The following RNF111 variants were observed in gnomAD, a reference collection of about 807,000 sequenced individuals.
RNF111 encodes ring finger protein 111.
In RNF111, 17 loss-of-function variants were observed where a neutral mutation model predicts 95.1. That is an observed-to-expected ratio of 0.18 (90% CI 0.12 to 0.27). The LOEUF is 0.27. Ranked by LOEUF, RNF111 falls within the 10% of genes least tolerant of loss-of-function variation. The probability of loss-of-function intolerance (pLI) is 1.00; values close to 1 mark genes in which losing one functional copy is unlikely to be tolerated. For synonymous variants in RNF111, 440 were observed against 414.8 expected (o/e 1.06, Z -0.74); for missense variants, 1,189 against 1,210.4 (o/e 0.98, Z 0.26).
At chr15:59,056,125 G>T (rs2042191070) in intron 4 of RNF111, among the ~76,000 whole-genome samples, 1 of 152,138 alleles carries the variant, frequency 6.6e-6, no homozygotes, top group South Asian at 2.1e-4. Context: ...AGTTTGATTT[G>T]TAATAATGAT....
At chr15:59,078,425 C>T (rs1439999215) in intron 7 of RNF111, among the ~76,000 whole-genome samples, 3 of 151,986 alleles carry the variant, frequency 2.0e-5, no homozygotes, top group African/African-American at 7.3e-5. Flanking sequence ...CATGTAGTTC[C>T]TGCTCTTCAG....
At chr15:58,996,665 T>C (rs1361210451) in intron 1 of RNF111, among the ~76,000 whole-genome samples, 1 of 148,902 alleles carries the variant, frequency 6.7e-6, no homozygotes, top group Admixed American at 6.6e-5. Context: ...TTTTTTTTTT[T>C]TTTTTTTTTT....
intron 5 of RNF111, among the ~76,000 whole-genome samples, chr15:59,060,804 A>ATTTT (rs201040277): frequency 5.4e-5 from 8 of 147,150 alleles, no homozygotes; most frequent in African/African-American, 1.8e-4. Context: ...TATTATTATT[A>ATTTT]TTATTTTTTT....
intron 7 of RNF111, among the ~76,000 whole-genome samples, chr15:59,078,084 A>G (rs1275990481): frequency 2.0e-5 from 3 of 152,256 alleles, no homozygotes; most frequent in Non-Finnish European, 4.4e-5. Flanking sequence ...TTGACCTCCC[A>G]GCTCTGACTA....
intron 8 of RNF111, among the ~76,000 whole-genome samples, chr15:59,082,697 A>G (rs952934872): frequency 2.0e-5 from 3 of 152,170 alleles, no homozygotes; most frequent in Admixed American, 1.3e-4. Flanking sequence ...CAGAGAACAT[A>G]CGGCCTGTAG....
chr15:59,001,662 A>G (rs1054853700), intron 1 of RNF111, among the ~76,000 whole-genome samples: 1 of 152,204 alleles, frequency 6.6e-6, no homozygotes, highest in Non-Finnish European at 1.5e-5. Flanking sequence ...GTTCTTTAAT[A>G]GAAAATACTT....
chr15:59,002,832 A>G (rs1482057954), intron 1 of RNF111, among the ~76,000 whole-genome samples: 1 of 152,022 alleles, frequency 6.6e-6, no homozygotes, highest in Non-Finnish European at 1.5e-5. Context: ...TTCCTGTCAC[A>G]TAGTCTTTCC....
rs1489835325 is a variant in RNF111 at position 59,030,965 on chromosome 15, G to A, written c.143G>A (p.Ser48Asn). 6.8e-6 allele frequency: 11 copies of A among 1,614,178 alleles called. No individual in the cohort carries two copies. Among genetic ancestry groups the A allele is most frequent in the Admixed American group, 1.7e-5 (1 of 60,022 alleles). The change falls in exon 2 of 14, where the codon AGT becomes AAT. Residue 48 changes from serine to asparagine, a missense_variant. By Grantham distance (46) the Ser-to-Asn change is conservative (BLOSUM62 1). This residue lies in a region of RNF111 where 1,024 missense variants were observed against 925.9 expected (regional missense o/e 1.11). Coordinates refer to ENST00000348370, the MANE Select transcript of RNF111 (RefSeq NM_017610.8). ...CCAGAGCCCATTGGGGCAGCCAAAA[G>A]TTTTCCTGCAGGAGTTGAGATGATT... is the stretch of plus-strand genomic sequence containing the variant. ...LHPEPIGAAK[S>N]FPAGVEMINS...
chr15:59,021,229 C>T (rs1441884393), intron 1 of RNF111, among the ~76,000 whole-genome samples: 1 of 152,166 alleles, frequency 6.6e-6, no homozygotes, highest in Non-Finnish European at 1.5e-5. Flanking sequence ...CGGCTCACTG[C>T]AAACTCCGCC....
At chr15:59,019,546 G>C (rs1228952967) in intron 1 of RNF111, among the ~76,000 whole-genome samples, 1 of 109,424 alleles carries the variant, frequency 9.1e-6, no homozygotes, top group African/African-American at 4.3e-5. Context: ...TTTCATATGG[G>C]TTTATACACC....
intron 1 of RNF111, among the ~76,000 whole-genome samples, chr15:59,007,228 A>C (rs980248266): frequency 6.6e-6 from 1 of 151,910 alleles, no homozygotes; most frequent in East Asian, 1.9e-4. Context: ...CTTCCTTGTC[A>C]GTCCTTTCCC....
intron 1 of RNF111, among the ~76,000 whole-genome samples, chr15:58,990,121 TTTGC>T (rs1371498604): frequency 6.6e-6 from 1 of 152,206 alleles, no homozygotes; most frequent in African/African-American, 2.4e-5. Flanking sequence ...TAGATCTATC[TTTGC>T]TTGCTATACA....
At chr15:59,025,921 GT>G (rs1210361760) in intron 1 of RNF111, among the ~76,000 whole-genome samples, 1 of 151,772 alleles carries the variant, frequency 6.6e-6, no homozygotes, top group Non-Finnish European at 1.5e-5. Flanking sequence ...GTGGAGACGG[GT>G]TTTTTCCATG....
At chr15:59,019,762 C>T (rs1283935918) in intron 1 of RNF111, among the ~76,000 whole-genome samples, 3 of 152,022 alleles carry the variant, frequency 2.0e-5, no homozygotes, top group East Asian at 1.9e-4. Context: ...AATTCGAGAC[C>T]GGCCTGGCCA....
chr15:59,067,168 T>TCCTTCATTCCTGTCTCTCTC (rs2042695156), intron 6 of RNF111, 85 bp downstream of exon 6: 2 of 1,102,812 alleles, frequency 1.8e-6, no homozygotes, highest in African/African-American at 3.1e-5. Context: ...CTCTTCCTCT[T>TCCTTCATTCCTGTCTCTCTC]CCTTCATTCC....
At chr15:59,010,860 A>G (rs2039767407) in intron 1 of RNF111, among the ~76,000 whole-genome samples, 1 of 152,210 alleles carries the variant, frequency 6.6e-6, no homozygotes, top group African/African-American at 2.4e-5. Flanking sequence ...GGTCTAATAC[A>G]GTAGATTCCT....
At chr15:59,083,994 T>C (rs1236987500) in intron 8 of RNF111, 135 bp from the exon 9 acceptor site, 2 of 616,242 alleles carry the variant, frequency 3.2e-6, no homozygotes, top group Admixed American at 4.5e-5. Context: ...TTTTATAATT[T>C]ATTATAAAAT....
Position 59,076,154 on chromosome 15 carries a change from C to T in RNF111, c.1887C>T (p.Pro629=), listed in dbSNP as rs1232913485. The change falls in exon 7 of 14, where the codon CCC becomes CCT. Residue 629 remains proline, a synonymous_variant. Transcript: ENST00000348370. The stretch of plus-strand genomic sequence containing the variant: ...ATGGATCAAGCATGGTTGCGCAGCC[C>T]CAGCCCCAGCCCCCTCCACAGCCCT... ...DGYGSSMVAQ[P]QPQPPPQPSL... The T allele has an allele frequency of 9.3e-6, 15 of 1,613,768 alleles. No homozygotes were observed. Among genetic ancestry groups the T allele is most frequent in the African/African-American group, 2.7e-5 (2 of 74,904 alleles).
chr15:59,092,993 C>T (rs541633907), intron 13 of RNF111, among the ~76,000 whole-genome samples: 1 of 152,196 alleles, frequency 6.6e-6, no homozygotes, highest in Admixed American at 6.5e-5. Context: ...TAGAGTGAGA[C>T]CCTGTCTCTG....
Sources: gnomAD v4.1 joint callset for allele counts (sites outside exome capture counted in the v4.1 genomes callset) on GRCh38, gnomAD v4.1.1 for gene constraint, gnomAD v4.1.1 regional missense constraint, MANE v1.5 for transcripts, NCBI Gene and HGNC (gene_info 2026-07-23, HGNC 2026-07-21) for gene names.